WDFY4: variants seen among roughly 807,000 people sequenced by gnomAD.
WDFY4 encodes WDFY family member 4, also known as WD repeat- and FYVE domain-containing protein 4.
A neutral mutation model predicts 351.9 loss-of-function variants in WDFY4; 169 were observed. The ratio of observed to expected loss-of-function variants is 0.48; its 90% CI spans 0.42 to 0.55. The LOEUF is 0.55. Ranked by LOEUF, WDFY4 falls within the 20% of genes least tolerant of loss-of-function variation. WDFY4 has a pLI of 0.00. For missense variants in WDFY4, 3,803 were observed against 3,935.6 expected (o/e 0.97, Z 0.90); for synonymous variants, 1,622 against 1,574.6 (o/e 1.03, Z -0.71).
In WDFY4 at chr10:48,773,008, C is replaced by T. The variant is rs112908629; in HGVS notation, c.2554-1450C>T. Among the ~76,000 whole-genome samples the T allele has an allele frequency of 8.4e-3, 1,270 of 152,038 alleles. 13 individuals carry two copies. The highest frequency in any genetic ancestry group is 0.036 in the Admixed American group (545 of 15,260). On this transcript the variant is annotated intron_variant, in intron 13 of 61. Transcript: ENST00000325239. ...TGTGAATAATGCCGCAATAAACATACGTGTGCATGTGTCTTTATAGCAGCA... is the reference window on the plus strand; with the variant it reads ...TGTGAATAATGCCGCAATAAACATATGTGTGCATGTGTCTTTATAGCAGCA...
chr10:48,805,345 C>G lies in WDFY4; in HGVS notation c.4570C>G (p.Pro1524Ala). 2 of 1,549,266 alleles carry G rather than the reference C, an allele frequency of 1.3e-6. No homozygotes were observed. The highest frequency in any genetic ancestry group is 1.7e-6 in the Non-Finnish European group (2 of 1,146,910). ...CCTATTCAATGAGCCGAGCCTCATC[C>G]CCTCCAAGATCTCCACCATCATTGG... Reference protein sequence around the residue: ...IFLFNEPSLIPSKISTIIGIL... With the variant: ...IFLFNEPSLIASKISTIIGIL... The change falls in exon 26 of 62, where the codon CCC (proline) becomes GCC (alanine). Residue 1524 changes from proline to alanine, a missense_variant. By Grantham distance (27) the Pro-to-Ala change is conservative. This residue lies in a region of WDFY4 where 3,054 missense variants were observed against 3,148.6 expected (regional missense o/e 0.97). Coordinates refer to ENST00000325239, the MANE Select transcript of WDFY4 (RefSeq NM_001394531.1).
chr10:48,704,278 C>T (rs1415673389), intron 1 of WDFY4, among the ~76,000 whole-genome samples: 1 of 152,310 alleles, frequency 6.6e-6, no homozygotes, highest in South Asian at 2.1e-4. Context: ...CTGCCTGTGA[C>T]TCCCATCCTG....
At chr10:48,714,572 G>C (rs1050175239) in intron 2 of WDFY4, among the ~76,000 whole-genome samples, 1 of 152,204 alleles carries the variant, frequency 6.6e-6, no homozygotes, top group African/African-American at 2.4e-5. Context: ...AGGGAAGAAG[G>C]TGTTCTTCTA....
At position 48,787,943 on chromosome 10, in the gene WDFY4, T is replaced by TTCC. The variant is rs2066523818; in HGVS notation, c.3809-585_3809-584insCTC. On this transcript the variant is annotated intron_variant, in intron 20 of 61. Transcript: ENST00000325239. The stretch of plus-strand genomic sequence containing the variant: ...CTTCTTCTTCTTCTTCTTCTTCTTC[T>TTCC]TCTTCTTCTTCTTCTTCTTCTTCTT... Among the ~76,000 whole-genome samples the TTCC allele has an allele frequency of 2.0e-5, 2 of 99,060 alleles. 1 individual carries two copies. The highest frequency in any genetic ancestry group is 5.5e-4 in the East Asian group (2 of 3,668). 65.0% of individuals were successfully genotyped at this position (99,060 alleles called of 152,430 possible). A position where few individuals can be genotyped will look rare whatever the true frequency, so the allele number is the denominator to read the frequency against.
At chr10:48,759,099 G>T (rs2065422278) in intron 12 of WDFY4, among the ~76,000 whole-genome samples, 1 of 152,076 alleles carries the variant, frequency 6.6e-6, no homozygotes, top group African/African-American at 2.4e-5. Flanking sequence ...GCAAGTTTCT[G>T]CCCATCTTCC....
At chr10:48,698,423 C>A (rs1327670819) in intron 1 of WDFY4, among the ~76,000 whole-genome samples, 1 of 152,176 alleles carries the variant, frequency 6.6e-6, no homozygotes, top group African/African-American at 2.4e-5. Context: ...CTTGCCTGTG[C>A]AGATCAGACC....
intron 47 of WDFY4, among the ~76,000 whole-genome samples, chr10:48,916,125 T>A (rs1186182615): frequency 6.6e-6 from 1 of 152,126 alleles, no homozygotes; most frequent in Non-Finnish European, 1.5e-5. Context: ...TCAGGCAGAT[T>A]GGAGAAGAAA....
intron 2 of WDFY4, among the ~76,000 whole-genome samples, chr10:48,717,919 A>C (rs140064966): frequency 3.2e-4 from 48 of 152,342 alleles, no homozygotes; most frequent in African/African-American, 1.0e-3. Flanking sequence ...CCTAGCAATG[A>C]AATTGCCAGG....
At chr10:48,950,571 C>G (rs746568838) in intron 51 of WDFY4, among the ~76,000 whole-genome samples, 1 of 152,168 alleles carries the variant, frequency 6.6e-6, no homozygotes. Flanking sequence ...GAGGTCACAT[C>G]CCTCAGGAAA....
At chr10:48,979,060 A>G (rs1009245448) in intron 60 of WDFY4, 1 of 152,350 alleles carries the variant, frequency 6.6e-6, no homozygotes, top group African/African-American at 2.4e-5. Flanking sequence ...GCATTTGCTC[A>G]GCCTCTACTG....
chr10:48,823,656 T>C, intron 35 of WDFY4: 1 of 1,005,606 alleles, frequency 9.9e-7, no homozygotes, highest in Non-Finnish European at 1.2e-6. Context: ...TGGCAAGTTG[T>C]GTTGTAAATG....
At chr10:48,770,292 G>C (rs1017474700) in intron 13 of WDFY4, among the ~76,000 whole-genome samples, 1 of 152,066 alleles carries the variant, frequency 6.6e-6, no homozygotes, top group Non-Finnish European at 1.5e-5. Context: ...TGCATATTTA[G>C]ATTTTAAGTA....
chr10:48,787,592 C>T (rs1419510279), intron 20 of WDFY4, among the ~76,000 whole-genome samples: 1 of 152,192 alleles, frequency 6.6e-6, no homozygotes, highest in Non-Finnish European at 1.5e-5. Flanking sequence ...CTGTGCAGCT[C>T]ATTGAAAATT....
chr10:48,897,635 G>A (rs1371556172), intron 45 of WDFY4, 61 bp downstream of exon 45: 4 of 1,524,182 alleles, frequency 2.6e-6, no homozygotes, highest in Non-Finnish European at 2.6e-6. Context: ...TGGGACAGGT[G>A]GTCCAGGAGC....
chr10:48,740,387 GA>G (rs2064815015), intron 11 of WDFY4, among the ~76,000 whole-genome samples: 1 of 152,200 alleles, frequency 6.6e-6, no homozygotes, highest in African/African-American at 2.4e-5. Flanking sequence ...TTTTGGAAGT[GA>G]GTTGCTCACA....
In WDFY4 at chr10:48,760,432, C is replaced by T; in HGVS notation, c.2545C>T (p.His849Tyr). Reference protein sequence around the residue: ...RLLPRLYHEDHPQLSEEIQCS... With the variant: ...RLLPRLYHEDYPQLSEEIQCS... ...GCTGCCTCGGTTGTACCATGAAGAT[C>T]ACCCACAGGTACCTGGTGTTGAATA... is the stretch of plus-strand genomic sequence containing the variant. Residue 849 changes from histidine (H) to tyrosine (Y), a missense_variant, in exon 13 of 62, where the codon CAC becomes TAC. By Grantham distance (83) the His-to-Tyr change is moderately conservative. This residue lies in a region of WDFY4 where 3,054 missense variants were observed against 3,148.6 expected (regional missense o/e 0.97). Transcript: ENST00000325239. 1 of 1,551,658 alleles carries T rather than the reference C, an allele frequency of 6.4e-7. No individual in the cohort carries two copies. Among genetic ancestry groups the T allele is most frequent in the Non-Finnish European group, 8.7e-7 (1 of 1,146,968 alleles).
Position 48,969,116 on chromosome 10 carries a change from C to T in WDFY4, c.8637C>T (p.His2879=). ...GSESPKGAIG[H]IVSTEKTILA... ...AGTCCCCCAAAGGGGCCATTGGCCA[C>T]ATTGTCTCTACTGAGAAGACCATTC... The change falls in exon 56 of 62, where the codon CAC becomes CAT. Residue 2879 remains histidine, a synonymous_variant. Transcript: ENST00000325239. 1.3e-6 allele frequency: 2 copies of T among 1,551,802 alleles called. No homozygotes were observed. Among genetic ancestry groups the T allele is most frequent in the Admixed American group, 3.9e-5 (2 of 51,006 alleles).
At chr10:48,981,884 T>C (rs1842821673) in intron 61 of WDFY4, among the ~76,000 whole-genome samples, 1 of 152,244 alleles carries the variant, frequency 6.6e-6, no homozygotes, top group African/African-American at 2.4e-5. Context: ...TCTTAGCTGC[T>C]GTAGCATAGC....
At chr10:48,755,585 T>C (rs2065313289) in intron 12 of WDFY4, among the ~76,000 whole-genome samples, 2 of 152,186 alleles carry the variant, frequency 1.3e-5, no homozygotes, top group South Asian at 4.1e-4. Context: ...CTTATGAATG[T>C]CCAATTCTTC....
Sources: gnomAD v4.1 joint callset for allele counts (sites outside exome capture counted in the v4.1 genomes callset) on GRCh38, gnomAD v4.1.1 for gene constraint, gnomAD v4.1.1 regional missense constraint, MANE v1.5 for transcripts, NCBI Gene and HGNC (gene_info 2026-07-23, HGNC 2026-07-21) for gene names.